Variants in POLA2 observed in about 807,000 individuals in gnomAD.
The protein encoded by POLA2 is DNA polymerase alpha subunit B.
A neutral mutation model predicts 82.8 loss-of-function variants in POLA2; 47 were observed. The ratio of observed to expected loss-of-function variants is 0.57; its 90% CI spans 0.45 to 0.72. The LOEUF is 0.72. Among genes scored for constraint, POLA2 ranks in the 30% least tolerant of loss-of-function variants. The probability of loss-of-function intolerance (pLI) is 0.00; values close to 1 mark genes in which losing one functional copy is unlikely to be tolerated. For missense variants in POLA2, 634 were observed against 728.1 expected, an observed-to-expected ratio of 0.87 and a Z score of 1.49; for synonymous variants, 287 against 286.8, an observed-to-expected ratio of 1.00 and a Z score of -0.01.
In POLA2 at chr11:65,267,511, G is replaced by A. The variant is rs1949474237; in HGVS notation, c.239G>A (p.Ser80Asn). Reference protein sequence around the residue: ...LSKRLSKARHSTCKDSGHAGA... With the variant: ...LSKRLSKARHNTCKDSGHAGA... ...AAAAGATTATCGAAAGCCAGGCATA[G>A]TACCTGCAAGGACAGTGGCCATGCA... The change falls in exon 3 of 18, where the codon AGT becomes AAT. Residue 80 changes from serine (S) to asparagine (N), a missense_variant. Physicochemically the swap from Ser to Asn is conservative, Grantham distance 46. Coordinates refer to ENST00000265465, the MANE Select transcript of POLA2 (RefSeq NM_002689.4). 2.5e-6 allele frequency: 4 copies of A among 1,612,362 alleles called. No homozygotes were observed. In the East Asian group the frequency reaches 8.9e-5, roughly 36 times the overall value.
chr11:65,282,333 G>GA, intron 9 of POLA2, 146 bp from the exon 10 acceptor site: 1 of 687,634 alleles, frequency 1.5e-6, no homozygotes, highest in Non-Finnish European at 2.6e-6. Context: ...GAGCAAGACA[G>GA]AGGCACATCC....
At chr11:65,282,650 G>A (rs1023886905) in intron 10 of POLA2, 129 bp downstream of exon 10, 19 of 776,958 alleles carry the variant, frequency 2.4e-5, no homozygotes, top group East Asian at 1.2e-4. Flanking sequence ...CAGTGAGGGC[G>A]CCACCATCAT....
At chr11:65,295,481 C>A in intron 15 of POLA2, 59 bp from the exon 16 acceptor site, 1 of 1,417,500 alleles carries the variant, frequency 7.1e-7, no homozygotes, top group Non-Finnish European at 1.0e-6. Flanking sequence ...CCAGTCCTCC[C>A]TGAAGAGAAA....
At chr11:65,285,257 T>G (rs1033112785) in intron 10 of POLA2, among the ~76,000 whole-genome samples, 1 of 151,970 alleles carries the variant, frequency 6.6e-6, no homozygotes, top group Non-Finnish European at 1.5e-5. Context: ...ATACAAAAAT[T>G]AGCTTGGCTT....
At chr11:65,265,558 G>T (rs1385153920) in intron 1 of POLA2, among the ~76,000 whole-genome samples, 1 of 151,962 alleles carries the variant, frequency 6.6e-6, no homozygotes, top group Non-Finnish European at 1.5e-5. Flanking sequence ...ACAGCTCACT[G>T]CAGCCTCAAC....
chr11:65,273,122 C>A (rs1250579788), intron 4 of POLA2, among the ~76,000 whole-genome samples: 4 of 151,948 alleles, frequency 2.6e-5, no homozygotes, highest in Admixed American at 6.6e-5. Context: ...GAGTTCGAGA[C>A]CAGCCTGGCC....
At chr11:65,295,762 C>T in intron 16 of POLA2, 102 bp from the exon 17 acceptor site, 1 of 1,456,518 alleles carries the variant, frequency 6.9e-7, no homozygotes, top group Non-Finnish European at 9.6e-7. Context: ...AAAAGTCGGT[C>T]TGTGGATGCC....
Position 65,289,848 on chromosome 11 carries a change from G to C in POLA2, c.1220G>C (p.Arg407Pro), listed in dbSNP as rs143904136. 6.2e-7 allele frequency: 1 copy of C among 1,609,682 alleles called. No individual in the cohort carries two copies. Among genetic ancestry groups the C allele is most frequent in the Non-Finnish European group, 8.5e-7 (1 of 1,176,112 alleles). The change falls in exon 13 of 18, where the codon CGA becomes CCA. Residue 407 changes from arginine to proline, a missense_variant. By Grantham distance (103) the Arg-to-Pro change is moderately radical. Coordinates refer to ENST00000265465, the MANE Select transcript of POLA2 (RefSeq NM_002689.4). The part of the protein sequence containing the change: ...PFEDIFKQCL[R>P]TIIEGTRSSG... Reference sequence around the variant, plus strand: ...GAAGACATTTTCAAGCAGTGTCTACGAACAATTATTGAAGGCACAAGAAGG... The same window carrying C: ...GAAGACATTTTCAAGCAGTGTCTACCAACAATTATTGAAGGCACAAGAAGG...
chr11:65,275,366 C>CAAAA (rs760641138), intron 4 of POLA2, among the ~76,000 whole-genome samples: 2 of 85,796 alleles, frequency 2.3e-5, no homozygotes, highest in Non-Finnish European at 5.3e-5. Flanking sequence ...GTTGATGAGT[C>CAAAA]AAAAAAAAAA....
intron 4 of POLA2, among the ~76,000 whole-genome samples, chr11:65,274,461 A>ATTGAGGTCAGGAGT (rs1393118881): frequency 2.6e-5 from 4 of 151,742 alleles, no homozygotes; most frequent in Non-Finnish European, 5.9e-5. Flanking sequence ...AGGTGGATCA[A>ATTGAGGTCAGGAGT]TTGAGGTCAG....
At chr11:65,266,252 C>T (rs1330755341) in intron 1 of POLA2, among the ~76,000 whole-genome samples, 2 of 152,176 alleles carry the variant, frequency 1.3e-5, no homozygotes, top group Non-Finnish European at 2.9e-5. Context: ...GCTTCACTTC[C>T]AGCATGTAAA....
At position 65,281,710 on chromosome 11, in the gene POLA2, T is replaced by C. The variant is rs192640239; in HGVS notation, c.941T>C (p.Leu314Pro). The C allele has an allele frequency of 1.2e-6, 2 of 1,614,048 alleles. No individual in the cohort carries two copies. Among genetic ancestry groups the C allele is most frequent in the Middle Eastern group, 1.6e-4 (1 of 6,062 alleles). ...GGAATCAACACCACTGGTAGGAAAC[T>C]TGTTGCCACCAAACTCTACGAGGTA... The part of the protein sequence containing the change: ...MEGINTTGRK[L>P]VATKLYEGVP... The change falls in exon 9 of 18, where the codon CTT (leucine) becomes CCT (proline). Residue 314 changes from leucine (L) to proline (P), a missense_variant. Physicochemically the swap from Leu to Pro is moderately conservative, Grantham distance 98. Transcript: ENST00000265465.
At chr11:65,272,294 G>C (rs1949529552) in intron 4 of POLA2, among the ~76,000 whole-genome samples, 1 of 152,080 alleles carries the variant, frequency 6.6e-6, no homozygotes. Flanking sequence ...GGGCGAGAAA[G>C]TGAGACTCCA....
chr11:65,266,586 A>G lies in POLA2; in HGVS notation c.84A>G (p.Val28=). Residue 28 remains valine, a synonymous_variant, in exon 2 of 18, where the codon GTA becomes GTG. Transcript: ENST00000265465. ...DCEEALIEKL[V]ELCVQYGQNE... is the part of the protein sequence containing the mutation. ...GTCCAATTTTCCTTTCTACAGTGGTAGAGCTTTGTGTTCAGTATGGACAGA... is the reference window on the plus strand; with the variant it reads ...GTCCAATTTTCCTTTCTACAGTGGTGGAGCTTTGTGTTCAGTATGGACAGA... 6.2e-7 allele frequency: 1 copy of G among 1,613,718 alleles called. No homozygotes were observed. The highest frequency in any genetic ancestry group is 8.5e-7 in the Non-Finnish European group (1 of 1,179,598).
chr11:65,301,040 A>G (rs1240945296), downstream of POLA2, among the ~76,000 whole-genome samples: 3 of 152,252 alleles, frequency 2.0e-5, no homozygotes, highest in East Asian at 3.9e-4. Context: ...GTGGACTATT[A>G]TGAATAGTGG....
In POLA2 at chr11:65,275,881, T is replaced by C; in HGVS notation, c.355-11T>C. 1.3e-6 allele frequency: 2 copies of C among 1,558,196 alleles called. No individual in the cohort carries two copies. Among genetic ancestry groups the C allele is most frequent in the Non-Finnish European group, 8.8e-7 (1 of 1,133,104 alleles). On this transcript the variant is annotated splice_polypyrimidine_tract_variant and intron_variant, in intron 4 of 17. Coordinates refer to ENST00000265465, the MANE Select transcript of POLA2 (RefSeq NM_002689.4). ...TAGGACTGAGATTTTGTTTTCCTTT[T>C]TTTTCCCTAGGGTTCTCAGAAGCGA... is the stretch of plus-strand genomic sequence containing the variant.
At chr11:65,288,685 A>G (rs1283148882) in intron 11 of POLA2, among the ~76,000 whole-genome samples, 1 of 151,730 alleles carries the variant, frequency 6.6e-6, no homozygotes, top group East Asian at 1.9e-4. Flanking sequence ...TGCCCAACTA[A>G]TTTTTGTATT....
rs753986978 is a variant in POLA2 at position 65,295,966 on chromosome 11, G to A, written c.1623G>A (p.Pro541=). The A allele has an allele frequency of 1.2e-5, 20 of 1,613,878 alleles. No individual in the cohort carries two copies. The highest frequency in any genetic ancestry group is 5.0e-5 in the Admixed American group (3 of 59,994). Residue 541 remains proline, a synonymous_variant, in exon 17 of 18, where the codon CCG becomes CCA. Transcript: ENST00000265465. The part of the protein sequence containing the change: ...LPVTPDVLII[P]SELRYFVKDV... ...TCACCCCAGATGTCCTCATCATCCCGTCAGAGCTGAGGTACTTCGTGAAGG... is the reference window on the plus strand; with the variant it reads ...TCACCCCAGATGTCCTCATCATCCCATCAGAGCTGAGGTACTTCGTGAAGG...
intron 11 of POLA2, 42 bp from the exon 12 acceptor site, chr11:65,289,008 T>C (rs1214659440): frequency 1.9e-6 from 3 of 1,588,530 alleles, no homozygotes; most frequent in African/African-American, 1.3e-5. Flanking sequence ...ACACAAGTGA[T>C]TCTGATTTGT....
Sources: allele counts gnomAD v4.1 joint callset (sites outside exome capture counted in the v4.1 genomes callset), GRCh38; gene constraint gnomAD v4.1.1; transcripts MANE v1.5; gene names NCBI Gene and HGNC (gene_info 2026-07-23, HGNC 2026-07-21).